Variants in TTC34 observed in about 807,000 individuals in gnomAD.
The protein encoded by TTC34 is tetratricopeptide repeat domain 34, also known as tetratricopeptide repeat protein 34.
In TTC34, 44 loss-of-function variants were observed where a neutral mutation model predicts 40.7. The ratio of observed to expected loss-of-function variants is 1.08; its 90% CI spans 0.85 to 1.39. The LOEUF (loss-of-function observed/expected upper bound fraction) is 1.39, where lower values mean the gene tolerates loss of function less well. Among genes scored for constraint, TTC34 ranks in the 40% most tolerant of loss-of-function variants. The pLI is 0.00. For missense variants in TTC34, 884 were observed against 838.0 expected, an observed-to-expected ratio of 1.05 and a Z score of -0.68; for synonymous variants, 422 against 398.6, an observed-to-expected ratio of 1.06 and a Z score of -0.70.
At chr1:2,773,286 C>CA (rs1166691607) in intron 6 of TTC34, among the ~76,000 whole-genome samples, 7 of 111,398 alleles carry the variant, frequency 6.3e-5, no homozygotes, top group African/African-American at 2.2e-4. Flanking sequence ...CAGCCTGGGG[C>CA]GGCGCCCACA....
chr1:2,762,132 C>A (rs1237609283), intron 6 of TTC34, among the ~76,000 whole-genome samples: 2 of 59,634 alleles, frequency 3.4e-5, no homozygotes, highest in Non-Finnish European at 5.5e-5. Flanking sequence ...CACACACAAC[C>A]CCAGGCGAGC....
chr1:2,759,948 A>AG (rs1641640185), intron 6 of TTC34, among the ~76,000 whole-genome samples: 1 of 144,246 alleles, frequency 6.9e-6, no homozygotes, highest in Non-Finnish European at 1.5e-5. Flanking sequence ...GACAGCCTGG[A>AG]AAGGCACCCA....
rs1255341151 is a variant in TTC34 at position 2,699,550 on chromosome 1, G to C, written c.2227-53987C>G. On this transcript the variant is annotated intron_variant, in intron 6 of 8. Transcript: ENST00000401095. The stretch of plus-strand genomic sequence containing the variant: ...CACCCACATCCCCAGGTGAGCATCT[G>C]ACAGCCTGGAGCAGCACCCACACCC... Among the ~76,000 whole-genome samples, 8 of 146,386 alleles carry C rather than the reference G, an allele frequency of 5.5e-5. 1 individual carries two copies. The highest frequency in any genetic ancestry group is 7.6e-5 in the Non-Finnish European group (5 of 66,086).
intron 6 of TTC34, among the ~76,000 whole-genome samples, chr1:2,700,006 T>C (rs1244209109): frequency 0.027 from 1,216 of 45,032 alleles, 1 homozygote; most frequent in African/African-American, 0.035. Flanking sequence ...TGGAGCAGCG[T>C]CCACACCCCC....
intron 6 of TTC34, among the ~76,000 whole-genome samples, chr1:2,686,033 C>A (rs1212472732): frequency 3.5e-5 from 4 of 113,240 alleles, no homozygotes; most frequent in Non-Finnish European, 3.5e-5. Flanking sequence ...TGGAACAGCA[C>A]CCTGCACCCC....
At chr1:2,787,762 C>T (rs543389105) in intron 3 of TTC34, 56 bp from the exon 4 acceptor site, 2 of 1,395,882 alleles carry the variant, frequency 1.4e-6, no homozygotes, top group East Asian at 2.6e-5. Context: ...CTCCACCTGC[C>T]CAGGTGATTG....
rs1639004998 is a variant in TTC34 at position 2,645,536 on chromosome 1, G to T, written c.2254C>A (p.Leu752Met). Residue 752 changes from leucine to methionine, a missense_variant, in exon 7 of 9, where the codon CTG (leucine) becomes ATG (methionine). Physicochemically the swap from Leu to Met is conservative, Grantham distance 15. Transcript: ENST00000401095. The surrounding 1 kb of genome is among the most constrained non-coding windows in gnomAD (Gnocchi z 4.7). ...ACCACAGTCCCGGGGCCGAGCTTCA[G>T]AGCAGAGACGATGTCGTCCACGGCT... 2.6e-6 allele frequency: 3 copies of T among 1,175,872 alleles called. No individual in the cohort carries two copies. In the African/African-American group the frequency reaches 5.1e-5, roughly 20 times the overall value. The allele number at this position is 1,175,872 out of a possible 1,614,324, so 72.8% of individuals were successfully genotyped here.
At position 2,796,509 on chromosome 1, in the gene TTC34, G is replaced by A. The variant is rs913474889; in HGVS notation, c.784+3535C>T. 9.9e-5 allele frequency among the ~76,000 whole-genome samples: 15 copies of A among 152,106 alleles called. No homozygotes were observed. Among genetic ancestry groups the A allele is most frequent in the African/African-American group, 2.2e-4 (9 of 41,404 alleles). On this transcript the variant is annotated intron_variant, in intron 2 of 8. Coordinates refer to ENST00000401095, the Ensembl canonical transcript of TTC34. The surrounding 1 kb of genome is among the most constrained non-coding windows in gnomAD (Gnocchi z 4.5). ...CCACGGCAGACACAGACGAGCTTCC[G>A]GTGGCCTTCCTGGAGGAGCTGGGTC...
intron 4 of TTC34, among the ~76,000 whole-genome samples, chr1:2,786,746 ACCT>A (rs1289105385): frequency 2.0e-5 from 3 of 151,642 alleles, no homozygotes; most frequent in African/African-American, 7.3e-5. Flanking sequence ...GCGAGGGGAG[ACCT>A]CCACCCCACA....
rs1015006651 is a variant in TTC34 at position 2,785,532 on chromosome 1, C to T, written c.2059+287G>A. Among the ~76,000 whole-genome samples the T allele has an allele frequency of 2.9e-4, 44 of 152,190 alleles. 1 individual carries two copies. The highest frequency in any genetic ancestry group is 1.1e-3 in the African/African-American group (44 of 41,464). On this transcript the variant is annotated intron_variant, in intron 5 of 8. Coordinates refer to ENST00000401095, the Ensembl canonical transcript of TTC34. The stretch of plus-strand genomic sequence containing the variant: ...TAGCTAGGAAAGGGGCCCTTCTCCC[C>T]TCAGGACTGGGGGTGCTGGGACGGC...
chr1:2,783,850 G>T, intron 5 of TTC34, 75 bp from the exon 6 acceptor site: 3 of 1,332,790 alleles, frequency 2.3e-6, no homozygotes, highest in Non-Finnish European at 2.9e-6. Flanking sequence ...GCCCAGCCCG[G>T]GGAGGGCAGA....
chr1:2,789,645 G>A, exon 3 of TTC34: 1 of 1,351,986 alleles, frequency 7.4e-7, no homozygotes, highest in Non-Finnish European at 9.5e-7. Context: ...TGGTTCCAGG[G>A]CACGTAGGCC....
At chr1:2,685,456 A>C (rs1640289788) in intron 6 of TTC34, among the ~76,000 whole-genome samples, 1 of 135,006 alleles carries the variant, frequency 7.4e-6, no homozygotes, top group Non-Finnish European at 1.5e-5. Flanking sequence ...CGAGCATCTG[A>C]CAGCCTGGAG....
In TTC34 at chr1:2,645,378, G is replaced by T; in HGVS notation, c.2412C>A (p.Leu804=). The change falls in exon 7 of 9, where the codon CTC becomes CTA. Residue 804 remains leucine, a synonymous_variant. Coordinates refer to ENST00000401095, the Ensembl canonical transcript of TTC34. The surrounding 1 kb of genome is among the most constrained non-coding windows in gnomAD (Gnocchi z 4.7). ...TGATCAGCGCCTCCCCCACAGCAAG[G>T]AGGCCCTGGGTGTCCTTGTCCTCGA... 2 of 1,534,898 alleles carry T rather than the reference G, an allele frequency of 1.3e-6. No homozygotes were observed. Among genetic ancestry groups the T allele is most frequent in the Non-Finnish European group, 1.7e-6 (2 of 1,146,242 alleles).
intron 6 of TTC34, among the ~76,000 whole-genome samples, chr1:2,656,811 C>A: frequency 1.6e-5 from 1 of 60,890 alleles, no homozygotes; most frequent in Non-Finnish European, 3.7e-5. Context: ...TGGAACAGCA[C>A]CCACATGCCC....
intron 6 of TTC34, among the ~76,000 whole-genome samples, chr1:2,695,705 A>T (rs1330867760): frequency 6.7e-6 from 1 of 149,502 alleles, no homozygotes; most frequent in African/African-American, 2.4e-5. Flanking sequence ...AGCCTGGAAC[A>T]GCACCCACAC....
chr1:2,764,128 A>G (rs1478485777), intron 6 of TTC34, among the ~76,000 whole-genome samples: 115 of 143,844 alleles, frequency 8.0e-4, no homozygotes, highest in African/African-American at 2.9e-3. Flanking sequence ...ACAGCCTGGA[A>G]CAGAACCCCA....
At chr1:2,768,719 C>T (rs1641886447) in intron 6 of TTC34, among the ~76,000 whole-genome samples, 1 of 146,472 alleles carries the variant, frequency 6.8e-6, no homozygotes, top group Admixed American at 6.8e-5. Context: ...GAGCATCTGG[C>T]AGCCTGGAAA....
intron 6 of TTC34, among the ~76,000 whole-genome samples, chr1:2,683,511 A>G (rs1337707913): frequency 6.1e-5 from 9 of 148,560 alleles, no homozygotes; most frequent in Admixed American, 2.7e-4. Context: ...CGGCACCCAC[A>G]CCACCAGGTG....
Sources: allele counts gnomAD v4.1 joint callset (sites outside exome capture counted in the v4.1 genomes callset), GRCh38; gene constraint gnomAD v4.1.1; non-coding constraint Gnocchi (gnomAD v3.1); transcripts MANE v1.5; gene names NCBI Gene and HGNC (gene_info 2026-07-23, HGNC 2026-07-21).